AMHR2: variants seen among roughly 807,000 people sequenced by gnomAD.
The protein encoded by AMHR2 is anti-Muellerian hormone type-2 receptor.
In AMHR2, 36 loss-of-function variants were observed where a neutral mutation model predicts 61.4. The ratio of observed to expected loss-of-function variants is 0.59; its 90% confidence interval spans 0.45 to 0.77. The LOEUF (loss-of-function observed/expected upper bound fraction) is 0.77, where lower values mean the gene tolerates loss of function less well. AMHR2 is among the 30% of genes least tolerant of loss of function. The probability of loss-of-function intolerance (pLI) is 0.00; values close to 1 mark genes in which losing one functional copy is unlikely to be tolerated. For synonymous variants in AMHR2, 258 were observed against 279.4 expected, an observed-to-expected ratio of 0.92 and a Z score of 0.76; for missense variants, 638 against 714.6, an observed-to-expected ratio of 0.89 and a Z score of 1.22.
Position 53,431,262 on chromosome 12 carries a change from G to T in AMHR2, c.1511G>T (p.Arg504Leu). ...CTGACAGCTGAGTGTGTACAGCAGCGCCTGGCTGCCTTGGCCCATCCTCAA... is the reference window on the plus strand; with the variant it reads ...CTGACAGCTGAGTGTGTACAGCAGCTCCTGGCTGCCTTGGCCCATCCTCAA... ...ARLTAECVQQ[R>L]LAALAHPQES... is the part of the protein sequence containing the mutation. Residue 504 changes from arginine (R) to leucine (L), a missense_variant, in exon 11 of 11, where the codon CGC becomes CTC. By Grantham distance (102) the Arg-to-Leu change is moderately radical. Coordinates refer to ENST00000257863, the MANE Select transcript of AMHR2 (RefSeq NM_020547.3). 1.2e-6 allele frequency: 2 copies of T among 1,614,206 alleles called. No individual in the cohort carries two copies. Among genetic ancestry groups the T allele is most frequent in the Non-Finnish European group, 1.7e-6 (2 of 1,180,042 alleles).
chr12:53,429,087 G>C, intron 7 of AMHR2, 77 bp downstream of exon 7: 2 of 1,348,002 alleles, frequency 1.5e-6, no homozygotes, highest in Non-Finnish European at 2.1e-6. Flanking sequence ...GGAGGGGAAA[G>C]ATTGGGTCAA....
Position 53,429,620 on chromosome 12 carries a change from A to G in AMHR2, c.1135A>G (p.Met379Val), listed in dbSNP as rs772824196. The G allele has an allele frequency of 1.9e-6, 3 of 1,614,014 alleles. No homozygotes were observed. The highest frequency in any genetic ancestry group is 1.7e-6 in the Non-Finnish European group (2 of 1,179,960). Residue 379 changes from methionine to valine, a missense_variant, in exon 8 of 11, where the codon ATG becomes GTG. Coordinates refer to ENST00000257863, the MANE Select transcript of AMHR2 (RefSeq NM_020547.3). The part of the protein sequence containing the change: ...PTQPQGPAAI[M>V]EAGTQRYMAP... ...TCAACCACAAGGCCCAGCTGCCATC[A>G]TGGAAGTGAGTTCTCTGGATAACTG... is the stretch of plus-strand genomic sequence containing the variant.
At chr12:53,425,324 C>G (rs1318215380) in intron 4 of AMHR2, 82 bp downstream of exon 4, 1 of 1,607,312 alleles carries the variant, frequency 6.2e-7, no homozygotes, top group Non-Finnish European at 8.5e-7. Flanking sequence ...ACCCCTGACC[C>G]CATGGTCTTG....
chr12:53,425,385 CT>C, intron 4 of AMHR2, 69 bp from the exon 5 acceptor site: 1 of 1,605,806 alleles, frequency 6.2e-7, no homozygotes, highest in Non-Finnish European at 8.5e-7. Flanking sequence ...ACAAAGCTCC[CT>C]TTCCACGAAG....
intron 7 of AMHR2, 48 bp from the exon 8 acceptor site, chr12:53,429,405 G>C: frequency 7.2e-7 from 1 of 1,392,802 alleles, no homozygotes; most frequent in South Asian, 1.2e-5. Flanking sequence ...AAAAAAAAAA[G>C]AGGGAGGAAG....
rs749394571 is a variant in AMHR2 at position 53,431,150 on chromosome 12, AC to A, written c.1426-24del. 161 of 1,613,268 alleles carry A rather than the reference AC, an allele frequency of 1.0e-4. 1 individual carries two copies. In the South Asian group the frequency reaches 1.4e-3, roughly 14 times the overall value. ...GGGCCCACTCAAGATCCTAGGGTCA[AC>A]CCTTCCTCCCTGTCATTCCCCCCAG... On this transcript the variant is annotated intron_variant, in intron 10 of 10. Transcript: ENST00000257863.
At position 53,425,852 on chromosome 12, in the gene AMHR2, C is replaced by A; in HGVS notation, c.785C>A (p.Thr262Asn). Residue 262 changes from threonine (T) to asparagine (N), a missense_variant, in exon 6 of 11, where the codon ACT (threonine) becomes AAT (asparagine). Transcript: ENST00000257863. ...LQHDHIVRFITASRGGPGRLL... is the reference protein window; with the variant it reads ...LQHDHIVRFINASRGGPGRLL... ...CACGACCACATTGTCCGATTTATCA[C>A]TGCCAGCCGGGGGGGTCCTGGCCGC... 6.2e-7 allele frequency: 1 copy of A among 1,614,154 alleles called. No homozygotes were observed. The highest frequency in any genetic ancestry group is 8.5e-7 in the Non-Finnish European group (1 of 1,180,032).
At chr12:53,427,898 C>T (rs1006503094) in intron 6 of AMHR2, among the ~76,000 whole-genome samples, 5 of 152,192 alleles carry the variant, frequency 3.3e-5, no homozygotes, top group African/African-American at 9.7e-5. Context: ...TCTCTGTCCA[C>T]GTGGAAGAGC....
chr12:53,430,005 T>C (rs1939972557), intron 9 of AMHR2, 27 bp downstream of exon 9: 1 of 1,614,154 alleles, frequency 6.2e-7, no homozygotes, highest in African/African-American at 1.3e-5. Flanking sequence ...CAGTCCCCTC[T>C]CCTGGGCTCC....
At chr12:53,430,796 C>G (rs1346184466) in intron 10 of AMHR2, 2 of 369,108 alleles carry the variant, frequency 5.4e-6, no homozygotes, top group Non-Finnish European at 1.0e-5. Flanking sequence ...ACTTTTTTAA[C>G]AAAATGTCCC....
chr12:53,429,059 G>C, intron 7 of AMHR2, 49 bp downstream of exon 7: 1 of 1,462,890 alleles, frequency 6.8e-7, no homozygotes, highest in Non-Finnish European at 9.4e-7. Flanking sequence ...TGCTATGTTT[G>C]TGATTCTGCC....
At chr12:53,426,023 T>C in intron 6 of AMHR2, 104 bp downstream of exon 6, 1 of 1,183,400 alleles carries the variant, frequency 8.5e-7, no homozygotes, top group Non-Finnish European at 1.2e-6. Context: ...TGCTTTCGAT[T>C]TTCTCTTTTC....
Position 53,425,257 on chromosome 12 carries a change from C to G in AMHR2, c.502+15C>G, listed in dbSNP as rs1217607711. 2 of 1,613,036 alleles carry G rather than the reference C, an allele frequency of 1.2e-6. No homozygotes were observed. The highest frequency in any genetic ancestry group is 1.7e-6 in the Non-Finnish European group (2 of 1,180,006). ...CATCATCTTGGGTACTAATCCACCC[C>G]ATCCCTCCCTTGTGACCCCAAGACA... On this transcript the variant is annotated intron_variant, in intron 4 of 10. Transcript: ENST00000257863.
intron 6 of AMHR2, among the ~76,000 whole-genome samples, chr12:53,427,589 GACGGGA>G (rs2136958063): frequency 6.6e-6 from 1 of 152,236 alleles, no homozygotes; most frequent in African/African-American, 2.4e-5. Flanking sequence ...TTTTAGTAGA[GACGGGA>G]TTTCACCCTG....
In AMHR2 at chr12:53,424,291, C is replaced by T. The variant is rs750919734; in HGVS notation, c.53C>T (p.Pro18Leu). 1.2e-6 allele frequency: 2 copies of T among 1,612,408 alleles called. No individual in the cohort carries two copies. Among genetic ancestry groups the T allele is most frequent in the Non-Finnish European group, 8.5e-7 (1 of 1,179,996 alleles). The change falls in exon 2 of 11, where the codon CCC becomes CTC. Residue 18 changes from proline to leucine, a missense_variant. Transcript: ENST00000257863. ...WALLPTAVEA[P>L]PNRRTCVFFE... ...CTTTCCCCACCCTGGGCCTCAGCAC[C>T]CCCAAACAGGCGAACCTGTGTGTTC...
rs1481073088 is a variant in AMHR2 at position 53,424,743 on chromosome 12, C to A, written c.267C>A (p.Ser89=). 1 of 1,613,890 alleles carries A rather than the reference C, an allele frequency of 6.2e-7. No individual in the cohort carries two copies. Among genetic ancestry groups the A allele is most frequent in the Non-Finnish European group, 8.5e-7 (1 of 1,179,904 alleles). Residue 89 remains serine, a synonymous_variant, in exon 3 of 11, where the codon TCC becomes TCA. Coordinates refer to ENST00000257863, the MANE Select transcript of AMHR2 (RefSeq NM_020547.3). ...CRDSDEPGCE[S]LHCDPSPRAH... is the part of the protein sequence containing the mutation. ...ACAGTGATGAGCCAGGCTGTGAGTCCCTCCACTGTGACCCAAGTCCCCGAG... is the reference window on the plus strand; with the variant it reads ...ACAGTGATGAGCCAGGCTGTGAGTCACTCCACTGTGACCCAAGTCCCCGAG...
intron 9 of AMHR2, 82 bp downstream of exon 9, chr12:53,430,060 A>G: frequency 5.6e-6 from 9 of 1,613,986 alleles, no homozygotes; most frequent in South Asian, 1.1e-5. Context: ...TGGCCTGAGA[A>G]AGCTCTGCTC....
rs749411797 is a variant in AMHR2, at chr12:53,429,602, C to A, written c.1117C>A (p.Gln373Lys). The A allele has an allele frequency of 4.3e-6, 7 of 1,614,130 alleles. No homozygotes were observed. The South Asian group carries it at 7.7e-5, about 18-fold the overall frequency. ...QPPAWTPTQP[Q>K]GPAAIMEAGT... ...CCCTGCCTGGACCCCTACTCAACCA[C>A]AAGGCCCAGCTGCCATCATGGAAGT... The change falls in exon 8 of 11, where the codon CAA (glutamine) becomes AAA (lysine). Residue 373 changes from glutamine to lysine, a missense_variant. Physicochemically the swap from Gln to Lys is moderately conservative, Grantham distance 53. Transcript: ENST00000257863.
chr12:53,423,902 C>A lies in AMHR2; in HGVS notation c.-33C>A. ...AGGGGCAGCTGTGCTGGCTTATGCT[C>A]TTCTCCTTCTGCTGCTGCCATCCTC... is the stretch of plus-strand genomic sequence containing the variant. On this transcript the variant is annotated 5_prime_UTR_variant, in exon 1 of 11. Transcript: ENST00000257863. 1 of 1,613,610 alleles carries A rather than the reference C, an allele frequency of 6.2e-7. No homozygotes were observed. Among genetic ancestry groups the A allele is most frequent in the Non-Finnish European group, 8.5e-7 (1 of 1,179,650 alleles).
Sources: gnomAD v4.1 joint callset for allele counts (sites outside exome capture counted in the v4.1 genomes callset) on GRCh38, gnomAD v4.1.1 for gene constraint, MANE v1.5 for transcripts, NCBI Gene and HGNC (gene_info 2026-07-23, HGNC 2026-07-21) for gene names.